Variants in MARCHF4 observed in about 807,000 individuals in gnomAD.
MARCHF4 encodes the protein E3 ubiquitin-protein ligase MARCHF4.
Under a neutral mutation model 43.9 loss-of-function variants are expected in MARCHF4, and 14 were observed. The ratio of observed to expected loss-of-function variants is 0.32; its 90% CI spans 0.21 to 0.50. The LOEUF (loss-of-function observed/expected upper bound fraction) is 0.50. MARCHF4 is among the 20% of genes least tolerant of loss of function. The pLI, the probability that MARCHF4 is intolerant of heterozygous loss-of-function variation, is 0.98. For synonymous variants in MARCHF4, 226 were observed against 213.3 expected, an observed-to-expected ratio of 1.06 and a Z score of -0.52; for missense variants, 468 against 536.7, an observed-to-expected ratio of 0.87 and a Z score of 1.27.
intron 3 of MARCHF4, among the ~76,000 whole-genome samples, chr2:216,276,185 A>G (rs1691018808): frequency 6.6e-6 from 1 of 152,348 alleles, no homozygotes; most frequent in South Asian, 2.1e-4. Context: ...GCCTGTCTGA[A>G]GGAGAATGAA....
At chr2:216,362,413 G>A (rs1403216268) in intron 1 of MARCHF4, among the ~76,000 whole-genome samples, 4 of 152,240 alleles carry the variant, frequency 2.6e-5, no homozygotes, top group Admixed American at 2.0e-4. Context: ...ACTGTATGCA[G>A]AGCCCTATGC....
At chr2:216,320,619 CT>C in intron 1 of MARCHF4, among the ~76,000 whole-genome samples, 1 of 67,858 alleles carries the variant, frequency 1.5e-5, no homozygotes, top group Non-Finnish European at 2.9e-5. Flanking sequence ...TTCTTTCTTT[CT>C]TTCTTTCTTT....
chr2:216,370,505 C>G lies in MARCHF4; in HGVS notation c.-245G>C, dbSNP rs1692742671. ...AAAGTTTTTCTTGCCCTCACACACC[C>G]ACCCCAACCTCCAACTTTGTTCAGT... On this transcript the variant is annotated 5_prime_UTR_variant, in exon 1 of 4. Transcript: ENST00000273067. 9.4e-6 allele frequency: 4 copies of G among 426,414 alleles called. No homozygotes were observed. Among genetic ancestry groups the G allele is most frequent in the Admixed American group, 3.9e-5 (1 of 25,426 alleles). 26.4% of individuals were successfully genotyped at this position (426,414 alleles called of 1,614,324 possible). A position where few individuals can be genotyped will look rare whatever the true frequency, so the allele number is the denominator to read the frequency against.
chr2:216,280,994 C>T (rs1021275513), intron 2 of MARCHF4, among the ~76,000 whole-genome samples: 1 of 150,820 alleles, frequency 6.6e-6, no homozygotes, highest in African/African-American at 2.4e-5. Context: ...GGAAATATTG[C>T]TTCTGGAGGG....
In MARCHF4 at chr2:216,258,107, C is replaced by A. The variant is rs141419704; in HGVS notation, c.*1205G>T. On this transcript the variant is annotated 3_prime_UTR_variant, in exon 4 of 4. Coordinates refer to ENST00000273067, the MANE Select transcript of MARCHF4 (RefSeq NM_020814.3). ...CAGGGGTAGTGCTCCCTGCCAGGCA[C>A]CCTTGGGCCCACCTGGCTACGCGGG... 3.3e-5 allele frequency: 5 copies of A among 152,060 alleles called. No individual in the cohort carries two copies. Among genetic ancestry groups the A allele is most frequent in the Non-Finnish European group, 5.9e-5 (4 of 68,036 alleles). 9.4% of individuals were successfully genotyped at this position (152,060 alleles called of 1,614,324 possible). A position where few individuals can be genotyped will look rare whatever the true frequency, so the allele number is the denominator to read the frequency against.
At chr2:216,357,643 G>A (rs2105982858) in intron 1 of MARCHF4, among the ~76,000 whole-genome samples, 1 of 152,296 alleles carries the variant, frequency 6.6e-6, no homozygotes, top group Non-Finnish European at 1.5e-5. Flanking sequence ...CTTTCGTGAT[G>A]TTGAGACTTT....
intron 1 of MARCHF4, among the ~76,000 whole-genome samples, chr2:216,344,523 G>A (rs1272107915): frequency 6.6e-6 from 1 of 152,128 alleles, no homozygotes; most frequent in Non-Finnish European, 1.5e-5. Context: ...ACCAAGAGAG[G>A]AATTGATATT....
chr2:216,317,801 C>T (rs1691804845), intron 1 of MARCHF4, among the ~76,000 whole-genome samples: 1 of 152,038 alleles, frequency 6.6e-6, no homozygotes, highest in Non-Finnish European at 1.5e-5. Flanking sequence ...GTGGTGATGG[C>T]GTGAAGGATA....
chr2:216,302,848 A>G (rs181073840), intron 1 of MARCHF4, among the ~76,000 whole-genome samples: 2,243 of 149,606 alleles, frequency 0.015, 22 homozygotes, highest in Middle Eastern at 0.024. Context: ...CAGTGAGCCA[A>G]GATAGCACCA....
At chr2:216,360,469 C>T (rs981952974) in intron 1 of MARCHF4, among the ~76,000 whole-genome samples, 9 of 151,802 alleles carry the variant, frequency 5.9e-5, no homozygotes, top group African/African-American at 1.9e-4. Flanking sequence ...AAAAAGACAC[C>T]GAGACATGGA....
At chr2:216,354,676 C>G (rs1401967183) in intron 1 of MARCHF4, among the ~76,000 whole-genome samples, 1 of 152,308 alleles carries the variant, frequency 6.6e-6, no homozygotes, top group East Asian at 1.9e-4. Context: ...GACGACAGGA[C>G]ATTTTCATCT....
At chr2:216,347,247 GCAT>G (rs1382060575) in intron 1 of MARCHF4, among the ~76,000 whole-genome samples, 1 of 152,310 alleles carries the variant, frequency 6.6e-6, no homozygotes, top group African/African-American at 2.4e-5. Context: ...AAGAACGGTG[GCAT>G]CATTCTAAGA....
At position 216,259,190 on chromosome 2, in the gene MARCHF4, C is replaced by T; in HGVS notation, c.*122G>A. ...CTCCCGCTCTGACACTACCCCAGGG[C>T]TCCCGCCAGGTCCCCCACCCTCTGC... On this transcript the variant is annotated 3_prime_UTR_variant, in exon 4 of 4. Transcript: ENST00000273067. 1 of 1,435,226 alleles carries T rather than the reference C, an allele frequency of 7.0e-7. No individual in the cohort carries two copies. The highest frequency in any genetic ancestry group is 9.2e-7 in the Non-Finnish European group (1 of 1,082,216). 88.9% of individuals were successfully genotyped at this position (1,435,226 alleles called of 1,614,324 possible).
intron 1 of MARCHF4, among the ~76,000 whole-genome samples, chr2:216,300,989 T>C (rs1691484230): frequency 6.6e-6 from 1 of 152,198 alleles, no homozygotes; most frequent in African/African-American, 2.4e-5. Flanking sequence ...AATTTAAATG[T>C]GGCTTTGGGG....
chr2:216,271,944 C>T (rs931705315), intron 3 of MARCHF4, among the ~76,000 whole-genome samples: 3 of 148,782 alleles, frequency 2.0e-5, no homozygotes, highest in South Asian at 4.4e-4. Context: ...GTGCACACCA[C>T]CACACCTGGC....
intron 3 of MARCHF4, among the ~76,000 whole-genome samples, chr2:216,262,011 T>C (rs1341699617): frequency 6.6e-6 from 1 of 152,202 alleles, no homozygotes; most frequent in African/African-American, 2.4e-5. Context: ...ACCAGTTCCA[T>C]GGGCACAGAA....
chr2:216,349,218 C>A (rs898908042), intron 1 of MARCHF4, among the ~76,000 whole-genome samples: 1 of 152,206 alleles, frequency 6.6e-6, no homozygotes, highest in African/African-American at 2.4e-5. Context: ...ATGTACTAAC[C>A]ACAAGATGGT....
At chr2:216,275,601 A>T (rs1691006136) in intron 3 of MARCHF4, among the ~76,000 whole-genome samples, 1 of 152,242 alleles carries the variant, frequency 6.6e-6, no homozygotes, top group Non-Finnish European at 1.5e-5. Context: ...GCTGCAAAGC[A>T]AGCAAGCCAG....
chr2:216,334,846 C>T (rs1291841737), intron 1 of MARCHF4, among the ~76,000 whole-genome samples: 1 of 152,202 alleles, frequency 6.6e-6, no homozygotes, highest in Non-Finnish European at 1.5e-5. Context: ...CATGGATTCT[C>T]CAAATAGCCC....
Sources: gnomAD v4.1 joint callset for allele counts (sites outside exome capture counted in the v4.1 genomes callset) on GRCh38, gnomAD v4.1.1 for gene constraint, MANE v1.5 for transcripts, NCBI Gene and HGNC (gene_info 2026-07-23, HGNC 2026-07-21) for gene names.